Variants in PPP1R3A observed in about 807,000 individuals in gnomAD.
PPP1R3A encodes RG1.
A neutral mutation model predicts 41.7 loss-of-function variants in PPP1R3A; 29 were observed. The ratio of observed to expected loss-of-function variants is 0.70; its 90% confidence interval spans 0.52 to 0.95. PPP1R3A has a LOEUF of 0.95. Ranked by LOEUF, PPP1R3A falls within the 40% of genes least tolerant of loss-of-function variation. The probability of loss-of-function intolerance (pLI) is 0.00; values close to 1 mark genes in which losing one functional copy is unlikely to be tolerated. For missense variants in PPP1R3A, 1,352 were observed against 1,292.4 expected, an observed-to-expected ratio of 1.05 and a Z score of -0.71; for synonymous variants, 485 against 453.4, an observed-to-expected ratio of 1.07 and a Z score of -0.89.
chr7:113,876,781 G>T lies in PPP1R3A; in HGVS notation c.*942C>A, dbSNP rs1014529761. On this transcript the variant is annotated 3_prime_UTR_variant, in exon 4 of 4. Coordinates refer to ENST00000284601, the MANE Select transcript of PPP1R3A (RefSeq NM_002711.4). ...ACTGTTTTCTAAATGCATTTTGGGGGATAATTCATTCTCTTAGAAAATATT... is the reference window on the plus strand; with the variant it reads ...ACTGTTTTCTAAATGCATTTTGGGGTATAATTCATTCTCTTAGAAAATATT... The T allele has an allele frequency of 6.6e-6, 1 of 152,234 alleles. No homozygotes were observed. The highest frequency in any genetic ancestry group is 2.1e-4 in the South Asian group (1 of 4,824). 9.4% of individuals were successfully genotyped at this position (152,234 alleles called of 1,614,324 possible). A position where few individuals can be genotyped will look rare whatever the true frequency, so the allele number is the denominator to read the frequency against.
In PPP1R3A at chr7:113,878,765, T is replaced by A; in HGVS notation, c.2327A>T (p.His776Leu). The A allele has an allele frequency of 3.1e-6, 5 of 1,613,600 alleles. No homozygotes were observed. In the African/African-American group the frequency reaches 4.0e-5, roughly 13 times the overall value. ...ATGTGAATCATCATTTCTCCCTTCA[T>A]GTGGATCAAACGCTGTTTCCTTTAC... ...IEVKETAFDP[H>L]EGRNDDSHYT... The change falls in exon 4 of 4, where the codon CAT becomes CTT. Residue 776 changes from histidine to leucine, a missense_variant. By Grantham distance (99) the His-to-Leu change is moderately conservative. Transcript: ENST00000284601.
intron 1 of PPP1R3A, among the ~76,000 whole-genome samples, chr7:113,903,555 C>T (rs1179461091): frequency 2.0e-5 from 3 of 151,666 alleles, no homozygotes; most frequent in African/African-American, 4.8e-5. Flanking sequence ...AAGGACCATT[C>T]GTATAACATC....
At chr7:113,898,139 A>G (rs1797005955) in intron 1 of PPP1R3A, among the ~76,000 whole-genome samples, 1 of 151,874 alleles carries the variant, frequency 6.6e-6, no homozygotes. Context: ...TTCAAAAAAT[A>G]TTTAACTTAT....
Position 113,882,136 on chromosome 7 carries a change from G to A in PPP1R3A, c.869C>T (p.Ser290Phe). 5 of 1,611,650 alleles carry A rather than the reference G, an allele frequency of 3.1e-6. No homozygotes were observed. ...TDTYIPTIIC[S>F]HEDKEDLEAS... is the part of the protein sequence containing the mutation. ...TTCCAAATCTTCCTTGTCCTCATGA[G>A]AACAAATGATTGTTGGGATATAGGT... The change falls in exon 3 of 4, where the codon TCT becomes TTT. Residue 290 changes from serine to phenylalanine, a missense_variant. Ser to Phe is a radical substitution (Grantham distance 155). Transcript: ENST00000284601.
intron 1 of PPP1R3A, among the ~76,000 whole-genome samples, chr7:113,903,969 C>T (rs186194463): frequency 2.0e-5 from 3 of 151,772 alleles, no homozygotes; most frequent in African/African-American, 7.2e-5. Flanking sequence ...AATTCAATTC[C>T]TCTGTGGTGC....
At chr7:113,905,516 C>T (rs1256532841) in intron 1 of PPP1R3A, among the ~76,000 whole-genome samples, 2 of 151,766 alleles carry the variant, frequency 1.3e-5, no homozygotes, top group Non-Finnish European at 2.9e-5. Context: ...TCTATTCTTC[C>T]TGTAACTTTT....
chr7:113,893,100 A>G (rs1307167544), intron 1 of PPP1R3A, among the ~76,000 whole-genome samples: 2 of 151,948 alleles, frequency 1.3e-5, no homozygotes, highest in African/African-American at 4.8e-5. Context: ...TTTCTTTTAC[A>G]CAGCCAGGCA....
Position 113,918,945 on chromosome 7 carries a change from C to T in PPP1R3A, c.52G>A (p.Val18Ile), listed in dbSNP as rs1305028872. Residue 18 changes from valine (V) to isoleucine (I), a missense_variant, in exon 1 of 4, where the codon GTT becomes ATT. Coordinates refer to ENST00000284601, the MANE Select transcript of PPP1R3A (RefSeq NM_002711.4). ...CAAAGAGAGTCAGATAAATTAGGAA[C>T]TTCTAAAAAATTATCTTTGCTAATC... ...SQISKDNFLE[V>I]PNLSDSLCED... is the part of the protein sequence containing the mutation. The T allele has an allele frequency of 1.2e-6, 2 of 1,612,888 alleles. No homozygotes were observed. Among genetic ancestry groups the T allele is most frequent in the South Asian group, 1.1e-5 (1 of 90,928 alleles).
intron 1 of PPP1R3A, among the ~76,000 whole-genome samples, chr7:113,904,798 C>G (rs950470750): frequency 1.3e-5 from 2 of 151,486 alleles, no homozygotes; most frequent in African/African-American, 2.4e-5. Context: ...GTACTAAAAA[C>G]AGTATCCCTC....
intron 1 of PPP1R3A, among the ~76,000 whole-genome samples, chr7:113,891,431 T>C (rs571425628): frequency 2.0e-3 from 297 of 152,186 alleles, no homozygotes; most frequent in Non-Finnish European, 3.1e-3. Context: ...TATTCTCTCA[T>C]ATCTTTAATA....
intron 3 of PPP1R3A, 36 bp downstream of exon 3, chr7:113,882,003 C>A (rs780211285): frequency 3.7e-6 from 6 of 1,609,494 alleles, no homozygotes; most frequent in African/African-American, 1.3e-5. Flanking sequence ...GAAATGGATT[C>A]ATCTTCTCTA....
chr7:113,885,199 T>A (rs1205753766), intron 1 of PPP1R3A, among the ~76,000 whole-genome samples: 1 of 151,994 alleles, frequency 6.6e-6, no homozygotes, highest in African/African-American at 2.4e-5. Flanking sequence ...CACAGACATG[T>A]GACACGACAT....
At chr7:113,905,719 C>T (rs1032840700) in intron 1 of PPP1R3A, among the ~76,000 whole-genome samples, 1 of 151,738 alleles carries the variant, frequency 6.6e-6, no homozygotes, top group Middle Eastern at 3.2e-3. Context: ...CAAGACTCTG[C>T]AATCTCAAGA....
At position 113,918,931 on chromosome 7, in the gene PPP1R3A, A is replaced by C; in HGVS notation, c.66T>G (p.Ser22=). 6.2e-7 allele frequency: 1 copy of C among 1,612,880 alleles called. No homozygotes were observed. The highest frequency in any genetic ancestry group is 1.1e-5 in the South Asian group (1 of 90,972). Residue 22 remains serine (S), a synonymous_variant, in exon 1 of 4, where the codon TCT becomes TCG. Coordinates refer to ENST00000284601, the MANE Select transcript of PPP1R3A (RefSeq NM_002711.4). ...CTTCTTCATCTTCACAAAGAGAGTCAGATAAATTAGGAACTTCTAAAAAAT... is the reference window on the plus strand; with the variant it reads ...CTTCTTCATCTTCACAAAGAGAGTCCGATAAATTAGGAACTTCTAAAAAAT... ...KDNFLEVPNL[S]DSLCEDEEVT...
At chr7:113,884,641 G>A (rs1796751558) in intron 1 of PPP1R3A, among the ~76,000 whole-genome samples, 1 of 151,906 alleles carries the variant, frequency 6.6e-6, no homozygotes, top group Non-Finnish European at 1.5e-5. Context: ...GGGCCTAAGA[G>A]TAGGAAATAT....
intron 1 of PPP1R3A, among the ~76,000 whole-genome samples, chr7:113,885,227 T>A (rs73435644): frequency 0.029 from 4,462 of 152,122 alleles, 218 homozygotes; most frequent in African/African-American, 0.099. Context: ...ATTTGTACTT[T>A]AGTAGAGACA....
chr7:113,903,050 G>A (rs1173582109), intron 1 of PPP1R3A, among the ~76,000 whole-genome samples: 1 of 151,458 alleles, frequency 6.6e-6, no homozygotes, highest in Admixed American at 6.6e-5. Flanking sequence ...TTTCTTTAAT[G>A]TTAACCAAGA....
chr7:113,902,122 C>T lies in PPP1R3A; in HGVS notation c.782+16093G>A, dbSNP rs140223380. Among the ~76,000 whole-genome samples, 436 of 151,786 alleles carry T rather than the reference C, an allele frequency of 2.9e-3. 2 individuals are homozygous for T. Among genetic ancestry groups the T allele is most frequent in the African/African-American group, 0.01 (416 of 41,446 alleles). On this transcript the variant is annotated intron_variant, in intron 1 of 3. Coordinates refer to ENST00000284601, the MANE Select transcript of PPP1R3A (RefSeq NM_002711.4). ...CTGAGAACTCAGTCCTGTTCCTCTTCTCTCTTTGTGTGTGTGTGTTTTTTA... is the reference window on the plus strand; with the variant it reads ...CTGAGAACTCAGTCCTGTTCCTCTTTTCTCTTTGTGTGTGTGTGTTTTTTA...
At position 113,918,543 on chromosome 7, in the gene PPP1R3A, A is replaced by C. The variant is rs368641116; in HGVS notation, c.454T>G (p.Ser152Ala). 3.7e-6 allele frequency: 6 copies of C among 1,612,704 alleles called. No individual in the cohort carries two copies. In the African/African-American group the frequency reaches 6.7e-5, roughly 18 times the overall value. The stretch of plus-strand genomic sequence containing the variant: ...CTTACATATACTAACTTCTCAAAAG[A>C]AACATTCAAAACTCGAATAATACCC... ...IKGIIRVLNV[S>A]FEKLVYVRMS... Residue 152 changes from serine to alanine, a missense_variant, in exon 1 of 4, where the codon TCT becomes GCT. Coordinates refer to ENST00000284601, the MANE Select transcript of PPP1R3A (RefSeq NM_002711.4).
Sources: allele counts gnomAD v4.1 joint callset (sites outside exome capture counted in the v4.1 genomes callset), GRCh38; gene constraint gnomAD v4.1.1; transcripts MANE v1.5; gene names NCBI Gene and HGNC (gene_info 2026-07-23, HGNC 2026-07-21).